Variants in SORCS3 observed in about 807,000 individuals in gnomAD.
SORCS3 encodes the protein sortilin related VPS10 domain containing receptor 3.
A neutral mutation model predicts 146.3 loss-of-function variants in SORCS3; 57 were observed. The observed-to-expected ratio is 0.39, with a 90% CI of 0.31 to 0.49. The LOEUF is 0.49. Ranked by LOEUF, SORCS3 falls within the 20% of genes least tolerant of loss-of-function variation. The pLI is 0.92. For synonymous variants in SORCS3, 653 were observed against 618.5 expected (o/e 1.06, Z -0.83); for missense variants, 1,341 against 1,575.5 (o/e 0.85, Z 2.52).
intron 1 of SORCS3, among the ~76,000 whole-genome samples, chr10:104,792,035 A>G (rs548993814): frequency 1.3e-5 from 2 of 152,304 alleles, no homozygotes; most frequent in Admixed American, 6.5e-5. Context: ...GTCAGTAGTT[A>G]AAAATCTTTT....
intron 1 of SORCS3, among the ~76,000 whole-genome samples, chr10:104,761,481 C>A (rs2017122034): frequency 6.6e-6 from 1 of 152,142 alleles, no homozygotes; most frequent in South Asian, 2.1e-4. Context: ...GCAGGCCTAT[C>A]TTTGACCTTT....
At chr10:104,924,931 G>A (rs1026097931) in intron 3 of SORCS3, among the ~76,000 whole-genome samples, 2 of 152,104 alleles carry the variant, frequency 1.3e-5, no homozygotes, top group African/African-American at 4.8e-5. Context: ...TTAAGTTCTG[G>A]GATACATGTG....
intron 1 of SORCS3, among the ~76,000 whole-genome samples, chr10:104,831,163 C>T (rs1257862462): frequency 1.3e-5 from 2 of 152,140 alleles, no homozygotes; most frequent in African/African-American, 2.4e-5. Flanking sequence ...GATACTGTCA[C>T]TCTCTATCAA....
chr10:104,705,794 C>T (rs898490050), intron 1 of SORCS3, among the ~76,000 whole-genome samples: 6 of 152,124 alleles, frequency 3.9e-5, no homozygotes, highest in Admixed American at 1.3e-4. Context: ...ATTGAGCTAG[C>T]CCAGTGCCTG....
intron 7 of SORCS3, among the ~76,000 whole-genome samples, chr10:105,129,327 T>C (rs5003008): frequency 0.019 from 1,642 of 86,412 alleles, 46 homozygotes; most frequent in African/African-American, 0.063. Flanking sequence ...CTTTCTTTCT[T>C]TCTCTTTTTT....
At chr10:104,878,498 GC>G (rs1237562492) in intron 2 of SORCS3, among the ~76,000 whole-genome samples, 1 of 152,138 alleles carries the variant, frequency 6.6e-6, no homozygotes, top group Admixed American at 6.5e-5. Flanking sequence ...AAAAAATTGA[GC>G]TATTGCCTTC....
At chr10:105,165,629 C>T (rs545792941) in intron 12 of SORCS3, among the ~76,000 whole-genome samples, 3 of 152,198 alleles carry the variant, frequency 2.0e-5, no homozygotes, top group Admixed American at 6.5e-5. Flanking sequence ...GGAGCAGATA[C>T]ATAAATAAGA....
chr10:105,104,700 G>A (rs1222624863), intron 6 of SORCS3, among the ~76,000 whole-genome samples: 1 of 152,134 alleles, frequency 6.6e-6, no homozygotes, highest in Non-Finnish European at 1.5e-5. Context: ...AGTAATCATA[G>A]CTAATTTTCA....
chr10:104,977,735 T>C (rs560768645), intron 4 of SORCS3, among the ~76,000 whole-genome samples: 182 of 142,088 alleles, frequency 1.3e-3, no homozygotes, highest in East Asian at 5.1e-3. Context: ...CTTTTCTTTT[T>C]TTTTTTTTTT....
At chr10:104,651,980 G>A (rs990143768) in intron 1 of SORCS3, among the ~76,000 whole-genome samples, 2 of 152,072 alleles carry the variant, frequency 1.3e-5, no homozygotes, top group Non-Finnish European at 2.9e-5. Context: ...ACTGGGGTTG[G>A]CTAACTCTGA....
chr10:105,081,059 T>C (rs962376869), intron 5 of SORCS3, among the ~76,000 whole-genome samples: 1 of 152,214 alleles, frequency 6.6e-6, no homozygotes, highest in Non-Finnish European at 1.5e-5. Flanking sequence ...ATACATACAG[T>C]ATATCAAAAC....
intron 5 of SORCS3, among the ~76,000 whole-genome samples, chr10:105,066,422 A>C (rs1446046200): frequency 6.6e-6 from 1 of 152,166 alleles, no homozygotes; most frequent in Non-Finnish European, 1.5e-5. Flanking sequence ...GAAAAGCTGA[A>C]CATGAATCAG....
At chr10:104,804,403 G>A (rs1432793939) in intron 1 of SORCS3, among the ~76,000 whole-genome samples, 1 of 152,202 alleles carries the variant, frequency 6.6e-6, no homozygotes, top group East Asian at 1.9e-4. Flanking sequence ...CTTCATAGGA[G>A]GGGCCCAAAG....
rs572903959 is a variant in SORCS3 at position 105,263,767 on chromosome 10, T to C, written c.*393T>C. 4.8e-5 allele frequency: 9 copies of C among 188,982 alleles called. No homozygotes were observed. The highest frequency in any genetic ancestry group is 1.9e-4 in the African/African-American group (8 of 42,566). 11.7% of individuals were successfully genotyped at this position (188,982 alleles called of 1,614,324 possible). On this transcript the variant is annotated 3_prime_UTR_variant, in exon 27 of 27. Coordinates refer to ENST00000369701, the MANE Select transcript of SORCS3 (RefSeq NM_014978.3). ...CTCCGCTTCCCCCAGCACACACACATACAACACAGATCATTTCCCAGTTAG... is the reference window on the plus strand; with the variant it reads ...CTCCGCTTCCCCCAGCACACACACACACAACACAGATCATTTCCCAGTTAG...
At chr10:104,672,716 G>GT (rs750472799) in intron 1 of SORCS3, among the ~76,000 whole-genome samples, 3 of 151,976 alleles carry the variant, frequency 2.0e-5, no homozygotes, top group Non-Finnish European at 4.4e-5. Flanking sequence ...TGCATTGTTT[G>GT]TTTAAGAGTG....
intron 1 of SORCS3, among the ~76,000 whole-genome samples, chr10:104,734,424 T>G (rs2016745055): frequency 2.6e-5 from 4 of 152,232 alleles, no homozygotes; most frequent in Admixed American, 2.6e-4. Flanking sequence ...CTGCTGCTTT[T>G]GTAATTTGGC....
At chr10:104,906,448 T>G (rs1016033192) in intron 2 of SORCS3, among the ~76,000 whole-genome samples, 1 of 152,188 alleles carries the variant, frequency 6.6e-6, no homozygotes, top group Non-Finnish European at 1.5e-5. Flanking sequence ...CCCAGAAATG[T>G]GTGAGGCAGT....
At chr10:104,751,925 A>ATATATATATATG (rs2016989644) in intron 1 of SORCS3, among the ~76,000 whole-genome samples, 5 of 9,396 alleles carry the variant, frequency 5.3e-4, no homozygotes, top group Middle Eastern at 0.036. Context: ...AATAGGAAGC[A>ATATATATATATG]TATATATATA....
intron 3 of SORCS3, among the ~76,000 whole-genome samples, chr10:104,933,501 C>T (rs2019230254): frequency 6.6e-6 from 1 of 152,050 alleles, no homozygotes; most frequent in South Asian, 2.1e-4. Context: ...CCAGGGGAGA[C>T]AGAGTGGGGC....
Sources: allele counts gnomAD v4.1 joint callset (sites outside exome capture counted in the v4.1 genomes callset), GRCh38; gene constraint gnomAD v4.1.1; transcripts MANE v1.5; gene names NCBI Gene and HGNC (gene_info 2026-07-23, HGNC 2026-07-21).